ADD2: variants seen among roughly 807,000 people sequenced by gnomAD.
The protein encoded by ADD2 is adducin 2.
ADD2 carries 23 observed loss-of-function variants against 83.0 expected under a neutral mutation model. That is an observed-to-expected ratio of 0.28 (90% CI 0.20 to 0.39). The LOEUF is 0.39. ADD2 is among the 10% of genes least tolerant of loss of function. The pLI, the probability that ADD2 is intolerant of heterozygous loss-of-function variation, is 1.00. For missense variants in ADD2, 758 were observed against 944.9 expected (o/e 0.80, Z 2.59); for synonymous variants, 375 against 375.4 (o/e 1.00, Z 0.01).
At chr2:70,737,810 C>G (rs1215472391) in intron 1 of ADD2, among the ~76,000 whole-genome samples, 1 of 152,120 alleles carries the variant, frequency 6.6e-6, no homozygotes, top group Non-Finnish European at 1.5e-5. Context: ...TTCCATCTCC[C>G]AAAAAATTCT....
chr2:70,743,795 T>TG (rs1674044188), intron 1 of ADD2, among the ~76,000 whole-genome samples: 3 of 152,174 alleles, frequency 2.0e-5, no homozygotes, highest in African/African-American at 7.2e-5. Flanking sequence ...AAAGGTCCTG[T>TG]GGTAGATCAG....
At chr2:70,686,944 G>C (rs934697865) in intron 9 of ADD2, among the ~76,000 whole-genome samples, 1 of 152,220 alleles carries the variant, frequency 6.6e-6, no homozygotes, top group Non-Finnish European at 1.5e-5. Context: ...TCTCCCCAGA[G>C]TGCCTCCAAG....
chr2:70,691,233 C>A lies in ADD2; in HGVS notation c.706-304G>T, dbSNP rs76211845. Among the ~76,000 whole-genome samples the A allele has an allele frequency of 4.4e-3, 672 of 152,316 alleles. 4 individuals carry two copies. Among genetic ancestry groups the A allele is most frequent in the African/African-American group, 0.015 (614 of 41,570 alleles). On this transcript the variant is annotated intron_variant, in intron 7 of 15. Coordinates refer to ENST00000264436, the MANE Select transcript of ADD2 (RefSeq NM_001617.4). ...CTATTGCTGCCCCTCCCACTCCCCC[C>A]ACCTCACACACAGCTTTGCTCTTGT...
At chr2:70,665,469 C>T (rs1402612378) in intron 15 of ADD2, among the ~76,000 whole-genome samples, 2 of 152,188 alleles carry the variant, frequency 1.3e-5, no homozygotes, top group South Asian at 4.1e-4. Flanking sequence ...CCACGTAATA[C>T]TGTGGCCATC....
chr2:70,742,283 G>C (rs531646652), intron 1 of ADD2, among the ~76,000 whole-genome samples: 2 of 152,236 alleles, frequency 1.3e-5, no homozygotes, highest in African/African-American at 4.8e-5. Flanking sequence ...AAACCCATTT[G>C]TGTCTGCTCA....
intron 4 of ADD2, among the ~76,000 whole-genome samples, chr2:70,699,938 T>C (rs1671504417): frequency 1.3e-5 from 2 of 152,196 alleles, no homozygotes; most frequent in Non-Finnish European, 2.9e-5. Flanking sequence ...TATTCTCTTA[T>C]ACAAAGAAGC....
chr2:70,699,845 A>T (rs1553373303), intron 4 of ADD2, among the ~76,000 whole-genome samples: 1 of 152,204 alleles, frequency 6.6e-6, no homozygotes, highest in African/African-American at 2.4e-5. Flanking sequence ...TAAAAGGAAG[A>T]TCAAAAATAC....
chr2:70,748,098 T>G (rs1333717824), intron 1 of ADD2, among the ~76,000 whole-genome samples: 9 of 152,098 alleles, frequency 5.9e-5, no homozygotes, highest in Admixed American at 2.0e-4. Flanking sequence ...AAAGAGCTTG[T>G]GGTCACAGCA....
chr2:70,733,077 A>C (rs1216239321), intron 1 of ADD2, among the ~76,000 whole-genome samples: 1 of 152,230 alleles, frequency 6.6e-6, no homozygotes, highest in Non-Finnish European at 1.5e-5. Context: ...TTCAAGGATT[A>C]CATGCTACAA....
intron 4 of ADD2, among the ~76,000 whole-genome samples, chr2:70,700,450 A>T (rs4852702): frequency 6.6e-6 from 1 of 151,922 alleles, no homozygotes; most frequent in Non-Finnish European, 1.5e-5. Flanking sequence ...AAGGCCAAAC[A>T]TATACTCATA....
chr2:70,665,667 T>C (rs1675756073), intron 15 of ADD2, among the ~76,000 whole-genome samples: 3 of 152,174 alleles, frequency 2.0e-5, no homozygotes, highest in African/African-American at 7.2e-5. Context: ...CTTCACTCCA[T>C]ATAATGAATC....
chr2:70,760,297 A>G lies in ADD2; in HGVS notation c.-154+7589T>C, dbSNP rs932415239. ...GCATACGTCTGCCTCTCTGCTGGCC[A>G]TCCCCACCTCAAACTCGTCTTGTCT... On this transcript the variant is annotated intron_variant, in intron 1 of 15. Transcript: ENST00000264436. Among the ~76,000 whole-genome samples the G allele has an allele frequency of 3.3e-5, 5 of 152,264 alleles. No homozygotes were observed. The East Asian group carries it at 9.7e-4, about 29-fold the overall frequency.
At chr2:70,724,634 T>A (rs547894595) in intron 1 of ADD2, among the ~76,000 whole-genome samples, 5 of 152,332 alleles carry the variant, frequency 3.3e-5, no homozygotes, top group East Asian at 3.9e-4. Flanking sequence ...GGCTCTCTGC[T>A]TTTGCTTTGG....
chr2:70,665,030 C>T (rs782072171), intron 15 of ADD2, among the ~76,000 whole-genome samples: 1 of 151,994 alleles, frequency 6.6e-6, no homozygotes, highest in Non-Finnish European at 1.5e-5. Context: ...GTGATGGGCA[C>T]ATATGAATGC....
At position 70,732,516 on chromosome 2, in the gene ADD2, A is replaced by T. The variant is rs1445980587; in HGVS notation, c.-153-19332T>A. Among the ~76,000 whole-genome samples the T allele has an allele frequency of 2.0e-5, 3 of 152,192 alleles. No homozygotes were observed. In the East Asian group the frequency reaches 5.8e-4, roughly 29 times the overall value. On this transcript the variant is annotated intron_variant, in intron 1 of 15. Coordinates refer to ENST00000264436, the MANE Select transcript of ADD2 (RefSeq NM_001617.4). ...AAGGCACTAAGCTGGCATTCTAGGC[A>T]CTGCATCATGAGGGAAAAGCACTGG...
chr2:70,696,207 A>G (rs782759082), intron 5 of ADD2, 38 bp downstream of exon 5: 9 of 1,597,036 alleles, frequency 5.6e-6, no homozygotes, highest in African/African-American at 5.4e-5. Context: ...GTGGGACCAC[A>G]TGCAGTGCCC....
At chr2:70,744,819 G>A (rs542839267) in intron 1 of ADD2, among the ~76,000 whole-genome samples, 1 of 152,232 alleles carries the variant, frequency 6.6e-6, no homozygotes, top group South Asian at 2.1e-4. Flanking sequence ...GTTCAGGTGG[G>A]GAAGACCGGG....
chr2:70,722,931 A>G (rs1322251543), intron 1 of ADD2, among the ~76,000 whole-genome samples: 1 of 152,194 alleles, frequency 6.6e-6, no homozygotes, highest in Non-Finnish European at 1.5e-5. Context: ...CATCCCCTAT[A>G]TTCTCTCTAC....
chr2:70,753,595 T>C (rs1553383322), intron 1 of ADD2, among the ~76,000 whole-genome samples: 1 of 150,768 alleles, frequency 6.6e-6, no homozygotes, highest in Non-Finnish European at 1.5e-5. Context: ...GTGTCAGGGG[T>C]TGGGGGGTGG....
Sources: allele counts gnomAD v4.1 joint callset (sites outside exome capture counted in the v4.1 genomes callset), GRCh38; gene constraint gnomAD v4.1.1; transcripts MANE v1.5; gene names NCBI Gene and HGNC (gene_info 2026-07-23, HGNC 2026-07-21).